Variants in GRHL2 observed in about 807,000 individuals in gnomAD.
GRHL2 encodes grainyhead like transcription factor 2.
In GRHL2, 21 loss-of-function variants were observed where a neutral mutation model predicts 83.8. The ratio of observed to expected loss-of-function variants is 0.25; its 90% CI spans 0.18 to 0.36. The LOEUF (loss-of-function observed/expected upper bound fraction) is 0.36, where lower values mean the gene tolerates loss of function less well. GRHL2 is among the 10% of genes least tolerant of loss of function. The pLI is 1.00. For missense variants in GRHL2, 623 were observed against 781.8 expected (o/e 0.80, Z 2.42); for synonymous variants, 280 against 278.9 (o/e 1.00, Z -0.04).
At position 101,589,934 on chromosome 8, in the gene GRHL2, C is replaced by G. The variant is rs189440093; in HGVS notation, c.1004-9123C>G. On this transcript the variant is annotated intron_variant, in intron 7 of 15. Coordinates refer to ENST00000646743, the MANE Select transcript of GRHL2 (RefSeq NM_024915.4). ...TAGATGAATTTCGTAAGTTCTAATC[C>G]CAGCCTGGCCCGTTACAAACTGACT... Among the ~76,000 whole-genome samples, 514 of 152,148 alleles carry G rather than the reference C, an allele frequency of 3.4e-3. 3 individuals are homozygous for G. The highest frequency in any genetic ancestry group is 4.2e-3 in the Non-Finnish European group (284 of 68,004).
At chr8:101,674,533 C>G (rs562231929), downstream of GRHL2, among the ~76,000 whole-genome samples, 61 of 152,212 alleles carry the variant, frequency 4.0e-4, no homozygotes, top group African/African-American at 1.1e-3. Flanking sequence ...CTGAATAGAC[C>G]AATAACAGGC....
At chr8:101,520,682 C>T (rs947014842) in intron 1 of GRHL2, among the ~76,000 whole-genome samples, 3 of 152,254 alleles carry the variant, frequency 2.0e-5, no homozygotes, top group African/African-American at 7.2e-5. Flanking sequence ...ACTTAGCATA[C>T]AAAATGTAAA....
chr8:101,652,427 T>TG (rs1813665925), intron 14 of GRHL2, among the ~76,000 whole-genome samples: 1 of 55,208 alleles, frequency 1.8e-5, no homozygotes, highest in Non-Finnish European at 3.3e-5. Context: ...GTGTGTGTGG[T>TG]GTGTGTGTCT....
intron 15 of GRHL2, among the ~76,000 whole-genome samples, chr8:101,666,366 A>ATGTT (rs1408571669): frequency 4.6e-5 from 7 of 152,122 alleles, no homozygotes; most frequent in African/African-American, 1.7e-4. Flanking sequence ...TTTGGGTTGA[A>ATGTT]TGTTAGTTCT....
At chr8:101,618,890 T>A (rs1392219150) in intron 8 of GRHL2, among the ~76,000 whole-genome samples, 1 of 152,086 alleles carries the variant, frequency 6.6e-6, no homozygotes, top group African/African-American at 2.4e-5. Flanking sequence ...GGTATAACTA[T>A]TAGAAGTGGC....
chr8:101,507,441 A>G (rs574449323), intron 1 of GRHL2, among the ~76,000 whole-genome samples: 2 of 152,212 alleles, frequency 1.3e-5, no homozygotes, highest in South Asian at 4.1e-4. Context: ...TTATACTTAA[A>G]TGTAAAAGTA....
chr8:101,649,279 T>C (rs563549870), intron 13 of GRHL2, 135 bp from the exon 14 acceptor site: 63 of 715,234 alleles, frequency 8.8e-5, no homozygotes, highest in Middle Eastern at 7.3e-4. Context: ...GAATGTTAGT[T>C]ATCTGGACCA....
chr8:101,530,957 G>C (rs1247137875), intron 1 of GRHL2, among the ~76,000 whole-genome samples: 1 of 152,122 alleles, frequency 6.6e-6, no homozygotes, highest in Non-Finnish European at 1.5e-5. Context: ...GAGGTTGTGC[G>C]TGGTGGCTCA....
the GRHL2 span, among the ~76,000 whole-genome samples, chr8:101,678,625 G>C: frequency 1.3e-5 from 2 of 151,068 alleles, no homozygotes; most frequent in Non-Finnish European, 3.0e-5. Context: ...CACCTCTGGG[G>C]GCAGGGCACA....
intron 1 of GRHL2, among the ~76,000 whole-genome samples, chr8:101,534,462 G>A (rs1390197361): frequency 6.6e-6 from 1 of 152,132 alleles, no homozygotes; most frequent in East Asian, 1.9e-4. Flanking sequence ...AAAGATGGAA[G>A]CTGCAGAGTT....
chr8:101,515,519 G>A (rs1794333050), intron 1 of GRHL2, among the ~76,000 whole-genome samples: 2 of 152,196 alleles, frequency 1.3e-5, no homozygotes, highest in Admixed American at 1.3e-4. Flanking sequence ...TTCAGAGTCT[G>A]TTGAAAACCA....
At chr8:101,599,195 C>A in intron 8 of GRHL2, 44 bp downstream of exon 8, 2 of 1,209,084 alleles carry the variant, frequency 1.7e-6, no homozygotes, top group East Asian at 2.3e-5. Context: ...AATATGTGCC[C>A]ATCCTCAGCA....
chr8:101,572,077 C>T (rs999901869), intron 5 of GRHL2, among the ~76,000 whole-genome samples: 4 of 152,176 alleles, frequency 2.6e-5, no homozygotes, highest in Non-Finnish European at 4.4e-5. Context: ...TTGATGGACA[C>T]AAATCCCTGA....
chr8:101,655,710 CATCA>C (rs1307495787), intron 14 of GRHL2, among the ~76,000 whole-genome samples: 5 of 151,714 alleles, frequency 3.3e-5, no homozygotes, highest in Admixed American at 2.6e-4. Flanking sequence ...TTTAGTATTA[CATCA>C]ATCAAGCCAT....
intron 13 of GRHL2, among the ~76,000 whole-genome samples, chr8:101,646,496 C>G (rs1465732815): frequency 1.3e-5 from 2 of 152,132 alleles, no homozygotes; most frequent in Non-Finnish European, 2.9e-5. Flanking sequence ...GCACTTTCCT[C>G]GGGAGTGATT....
intron 1 of GRHL2, among the ~76,000 whole-genome samples, chr8:101,512,665 G>A (rs1222121358): frequency 1.3e-5 from 2 of 152,118 alleles, no homozygotes; most frequent in African/African-American, 4.8e-5. Flanking sequence ...AGTAGAGACG[G>A]GGTTTCACCA....
At chr8:101,580,595 A>G (rs974520908) in intron 7 of GRHL2, among the ~76,000 whole-genome samples, 1 of 152,128 alleles carries the variant, frequency 6.6e-6, no homozygotes, top group Non-Finnish European at 1.5e-5. Context: ...AGATGCTAAG[A>G]GGGAAGAATT....
Position 101,523,425 on chromosome 8 carries a change from A to C in GRHL2, c.21-19816A>C, listed in dbSNP as rs1339012884. ...CACCCAAAATTATTAGTTCCCCACTACCACCCGTCCCAGCTTGTTTCTTCA... is the reference window on the plus strand; with the variant it reads ...CACCCAAAATTATTAGTTCCCCACTCCCACCCGTCCCAGCTTGTTTCTTCA... On this transcript the variant is annotated intron_variant, in intron 1 of 15. Transcript: ENST00000646743. Among the ~76,000 whole-genome samples, 5 of 151,840 alleles carry C rather than the reference A, an allele frequency of 3.3e-5. No individual in the cohort carries two copies. In the South Asian group the frequency reaches 8.3e-4, roughly 25 times the overall value.
At chr8:101,531,573 CCA>C (rs963071566) in intron 1 of GRHL2, among the ~76,000 whole-genome samples, 4 of 151,512 alleles carry the variant, frequency 2.6e-5, no homozygotes, top group South Asian at 2.1e-4. Flanking sequence ...CACACACACA[CCA>C]CACACACACA....
Sources: allele counts gnomAD v4.1 joint callset (sites outside exome capture counted in the v4.1 genomes callset), GRCh38; gene constraint gnomAD v4.1.1; transcripts MANE v1.5; gene names NCBI Gene and HGNC (gene_info 2026-07-23, HGNC 2026-07-21).